Variants in PTPRT observed in about 807,000 individuals in gnomAD.
The protein encoded by PTPRT is receptor-type tyrosine-protein phosphatase T.
PTPRT carries 56 observed loss-of-function variants against 176.8 expected under a neutral mutation model. The observed-to-expected ratio is 0.32, with a 90% CI of 0.26 to 0.40. The LOEUF (loss-of-function observed/expected upper bound fraction) is 0.40. PTPRT is among the 10% of genes least tolerant of loss of function. PTPRT has a pLI of 1.00. For missense variants in PTPRT, 1,540 were observed against 1,908.2 expected (o/e 0.81, Z 3.60); for synonymous variants, 783 against 739.0 (o/e 1.06, Z -0.96).
intron 1 of PTPRT, among the ~76,000 whole-genome samples, chr20:43,048,858 C>T (rs563791222): frequency 6.6e-6 from 1 of 152,270 alleles, no homozygotes; most frequent in East Asian, 1.9e-4. Flanking sequence ...TGACCAACAG[C>T]AGTCTTCCTG....
At chr20:42,208,369 CT>C (rs2055528498) in intron 15 of PTPRT, among the ~76,000 whole-genome samples, 1 of 151,826 alleles carries the variant, frequency 6.6e-6, no homozygotes, top group African/African-American at 2.4e-5. Context: ...AGAGTCAAGA[CT>C]CATCAGTGTG....
intron 16 of PTPRT, among the ~76,000 whole-genome samples, chr20:42,174,148 G>A (rs1486152304): frequency 2.6e-5 from 4 of 152,184 alleles, no homozygotes; most frequent in Non-Finnish European, 5.9e-5. Flanking sequence ...CATGCTTTCA[G>A]TAAGAAGTTC....
At chr20:42,948,129 G>A (rs1336367078) in intron 1 of PTPRT, among the ~76,000 whole-genome samples, 1 of 152,082 alleles carries the variant, frequency 6.6e-6, no homozygotes, top group Admixed American at 6.6e-5. Context: ...CTACCTCCCT[G>A]AGGACTCCGT....
intron 6 of PTPRT, among the ~76,000 whole-genome samples, chr20:42,714,857 A>G (rs147064060): frequency 2.2e-4 from 33 of 152,276 alleles, no homozygotes; most frequent in African/African-American, 7.9e-4. Context: ...TCATATGGGG[A>G]GTACCTGTTA....
intron 7 of PTPRT, among the ~76,000 whole-genome samples, chr20:42,553,930 T>C (rs946318367): frequency 1.3e-5 from 2 of 152,074 alleles, no homozygotes; most frequent in African/African-American, 4.8e-5. Flanking sequence ...GGTGAATGAA[T>C]GGTAGCATCT....
Position 42,823,143 on chromosome 20 carries a change from C to A in PTPRT, c.215-31677G>T, listed in dbSNP as rs536284027. Among the ~76,000 whole-genome samples the A allele has an allele frequency of 2.0e-5, 3 of 152,134 alleles. No individual in the cohort carries two copies. The East Asian group carries it at 5.8e-4, about 29-fold the overall frequency. On this transcript the variant is annotated intron_variant, in intron 2 of 30. Transcript: ENST00000373187. ...CAAAGACATGGAGCCAACCCAAATC[C>A]CCATCAATGATAGACCGGATAAAGA...
chr20:42,881,541 G>A (rs1175373360), intron 2 of PTPRT, among the ~76,000 whole-genome samples: 5 of 151,828 alleles, frequency 3.3e-5, no homozygotes, highest in African/African-American at 7.3e-5. Flanking sequence ...CCTGGTCAAC[G>A]TGGCAAAACT....
intron 7 of PTPRT, among the ~76,000 whole-genome samples, chr20:42,538,713 T>C (rs935770102): frequency 6.6e-6 from 1 of 152,192 alleles, no homozygotes; most frequent in African/African-American, 2.4e-5. Flanking sequence ...ATCGTGAGTA[T>C]GTTGTGCATT....
At chr20:42,859,018 A>C (rs2078613348) in intron 2 of PTPRT, among the ~76,000 whole-genome samples, 1 of 152,186 alleles carries the variant, frequency 6.6e-6, no homozygotes, top group African/African-American at 2.4e-5. Context: ...ACAAAGGTTT[A>C]GGGCTCTTAC....
At chr20:42,462,515 G>A (rs1031737437) in intron 8 of PTPRT, among the ~76,000 whole-genome samples, 1 of 152,162 alleles carries the variant, frequency 6.6e-6, no homozygotes, top group Non-Finnish European at 1.5e-5. Context: ...AATTTAAGCT[G>A]GGTAGAGAAG....
At chr20:42,669,800 A>C (rs2075382501) in intron 7 of PTPRT, among the ~76,000 whole-genome samples, 1 of 151,956 alleles carries the variant, frequency 6.6e-6, no homozygotes, top group African/African-American at 2.4e-5. Context: ...AGACCACCTG[A>C]GGCTGCTTAT....
intron 1 of PTPRT, among the ~76,000 whole-genome samples, chr20:43,083,889 T>C (rs1269109725): frequency 6.6e-6 from 1 of 152,168 alleles, no homozygotes; most frequent in Non-Finnish European, 1.5e-5. Context: ...CATGGAAATA[T>C]CCAAGATGTG....
intron 8 of PTPRT, among the ~76,000 whole-genome samples, chr20:42,461,619 GT>G (rs1298257824): frequency 2.0e-5 from 3 of 152,292 alleles, no homozygotes; most frequent in African/African-American, 7.2e-5. Context: ...TACAAAAAGT[GT>G]TTTAAGGAGG....
intron 9 of PTPRT, among the ~76,000 whole-genome samples, chr20:42,415,449 C>T (rs193106638): frequency 9.2e-5 from 14 of 152,178 alleles, no homozygotes; most frequent in Non-Finnish European, 1.9e-4. Flanking sequence ...CAGCCTCAAG[C>T]GACAGTCCTG....
At chr20:42,900,316 C>A (rs1356844277) in intron 1 of PTPRT, among the ~76,000 whole-genome samples, 1 of 152,136 alleles carries the variant, frequency 6.6e-6, no homozygotes, top group Non-Finnish European at 1.5e-5. Flanking sequence ...GCCCCTTCCT[C>A]AGTAATAAGT....
chr20:42,602,770 C>T (rs6030358), intron 7 of PTPRT, among the ~76,000 whole-genome samples: 37,263 of 151,808 alleles, frequency 0.25, 4,935 homozygotes, highest in Non-Finnish European at 0.3. Context: ...GAACAAGGAG[C>T]AGGGGCTTCA....
At chr20:42,770,989 T>C (rs2077054134) in intron 5 of PTPRT, among the ~76,000 whole-genome samples, 2 of 152,168 alleles carry the variant, frequency 1.3e-5, no homozygotes. Flanking sequence ...AAATCTCCCT[T>C]CCCTGTACAC....
At chr20:42,321,680 G>GC (rs1350118446) in intron 11 of PTPRT, among the ~76,000 whole-genome samples, 2 of 152,044 alleles carry the variant, frequency 1.3e-5, no homozygotes, top group East Asian at 3.9e-4. Context: ...TTTACTGCTT[G>GC]CCCCCAAATA....
chr20:42,525,788 C>T (rs1048599924), intron 7 of PTPRT, among the ~76,000 whole-genome samples: 7 of 152,128 alleles, frequency 4.6e-5, no homozygotes, highest in East Asian at 1.9e-4. Context: ...GCAGAGAACA[C>T]GGAATCTATC....
Sources: gnomAD v4.1 joint callset for allele counts (sites outside exome capture counted in the v4.1 genomes callset) on GRCh38, gnomAD v4.1.1 for gene constraint, MANE v1.5 for transcripts, NCBI Gene and HGNC (gene_info 2026-07-23, HGNC 2026-07-21) for gene names.